Variants in SLC2A13 observed in about 807,000 individuals in gnomAD.
SLC2A13 encodes proton myo-inositol cotransporter.
In SLC2A13, 32 loss-of-function variants were observed where a neutral mutation model predicts 64.4. The observed-to-expected ratio is 0.50, with a 90% CI of 0.37 to 0.67. The LOEUF (loss-of-function observed/expected upper bound fraction) is 0.67. SLC2A13 is among the 30% of genes least tolerant of loss of function. The pLI is 0.00. For synonymous variants in SLC2A13, 338 were observed against 327.1 expected (o/e 1.03, Z -0.36); for missense variants, 743 against 829.2 (o/e 0.90, Z 1.28).
chr12:39,962,837 T>A (rs1946438892), intron 3 of SLC2A13, among the ~76,000 whole-genome samples: 1 of 152,192 alleles, frequency 6.6e-6, no homozygotes, highest in Non-Finnish European at 1.5e-5. Context: ...CTGTGTGATG[T>A]TGTGCAGGTT....
intron 6 of SLC2A13, among the ~76,000 whole-genome samples, chr12:39,840,442 C>G (rs940007261): frequency 1.3e-5 from 2 of 152,022 alleles, no homozygotes; most frequent in Non-Finnish European, 2.9e-5. Flanking sequence ...AAATCATACT[C>G]CTTTTATGGC....
At chr12:40,047,411 TG>T (rs1368357057) in intron 2 of SLC2A13, among the ~76,000 whole-genome samples, 1 of 152,212 alleles carries the variant, frequency 6.6e-6, no homozygotes, top group Non-Finnish European at 1.5e-5. Context: ...AAAATTTCTC[TG>T]GAACAGTTAC....
intron 1 of SLC2A13, among the ~76,000 whole-genome samples, chr12:40,068,950 T>C (rs1243320807): frequency 6.6e-6 from 1 of 152,142 alleles, no homozygotes; most frequent in Non-Finnish European, 1.5e-5. Context: ...CCACAGTGTC[T>C]TCTTGTAAGA....
intron 4 of SLC2A13, among the ~76,000 whole-genome samples, chr12:39,875,768 G>A (rs887434831): frequency 6.6e-6 from 1 of 152,158 alleles, no homozygotes; most frequent in Admixed American, 6.5e-5. Context: ...ATGGTCTTAT[G>A]GGGAGATACA....
intron 4 of SLC2A13, chr12:39,949,478 A>G (rs1263206334): frequency 1.3e-5 from 2 of 152,236 alleles, no homozygotes; most frequent in Non-Finnish European, 2.9e-5. Flanking sequence ...ATCTTCAGGA[A>G]AAAAGTGAGG....
At chr12:40,024,518 T>C (rs973500334) in intron 3 of SLC2A13, among the ~76,000 whole-genome samples, 1 of 152,258 alleles carries the variant, frequency 6.6e-6, no homozygotes, top group Non-Finnish European at 1.5e-5. Context: ...AGAGAGGCTT[T>C]CCTAACCATC....
intron 2 of SLC2A13, among the ~76,000 whole-genome samples, chr12:40,036,362 G>A (rs1001366104): frequency 6.6e-5 from 10 of 152,140 alleles, no homozygotes; most frequent in Non-Finnish European, 1.2e-4. Context: ...GAGATCCAAG[G>A]TGTAACCATT....
chr12:39,844,571 ATAAT>A (rs1943258539), intron 6 of SLC2A13, among the ~76,000 whole-genome samples: 1 of 152,076 alleles, frequency 6.6e-6, no homozygotes, highest in South Asian at 2.1e-4. Context: ...TAAAATATAA[ATAAT>A]TAATCAAGAA....
At chr12:39,848,304 T>A (rs1295592980) in intron 6 of SLC2A13, among the ~76,000 whole-genome samples, 1 of 152,134 alleles carries the variant, frequency 6.6e-6, no homozygotes, top group Non-Finnish European at 1.5e-5. Flanking sequence ...ATATCCAGCA[T>A]TTATAAGGAA....
chr12:40,089,747 G>A (rs1938700343), intron 1 of SLC2A13, among the ~76,000 whole-genome samples: 1 of 152,134 alleles, frequency 6.6e-6, no homozygotes, highest in Non-Finnish European at 1.5e-5. Context: ...AATATATGGA[G>A]ATATACATAT....
intron 4 of SLC2A13, among the ~76,000 whole-genome samples, chr12:39,929,530 G>A (rs912781911): frequency 2.0e-5 from 3 of 151,300 alleles, no homozygotes; most frequent in Admixed American, 2.0e-4. Flanking sequence ...CAGCCTGGGC[G>A]ACAGAGTGAG....
At chr12:40,072,518 A>AT (rs936211305) in intron 1 of SLC2A13, among the ~76,000 whole-genome samples, 10 of 151,940 alleles carry the variant, frequency 6.6e-5, no homozygotes, top group African/African-American at 2.2e-4. Context: ...TGATTCATCT[A>AT]TTTTTTCCTC....
chr12:39,779,048 C>T (rs959105807), intron 7 of SLC2A13, among the ~76,000 whole-genome samples: 22 of 152,186 alleles, frequency 1.4e-4, no homozygotes, highest in Non-Finnish European at 1.8e-4. Flanking sequence ...GAATATGAGA[C>T]ACTTTCCCCC....
At chr12:39,936,290 T>C (rs544724211) in intron 4 of SLC2A13, among the ~76,000 whole-genome samples, 8 of 152,316 alleles carry the variant, frequency 5.3e-5, no homozygotes, top group Non-Finnish European at 1.0e-4. Context: ...ATTGTGACAA[T>C]TCCAATCTAT....
At chr12:40,094,296 T>G (rs1938865635) in intron 1 of SLC2A13, among the ~76,000 whole-genome samples, 1 of 151,804 alleles carries the variant, frequency 6.6e-6, no homozygotes, top group Non-Finnish European at 1.5e-5. Context: ...GATTTGGGAG[T>G]TCTCTGCAAC....
chr12:39,805,222 T>C (rs1352740138), intron 7 of SLC2A13, among the ~76,000 whole-genome samples: 2 of 152,176 alleles, frequency 1.3e-5, no homozygotes, highest in East Asian at 1.9e-4. Flanking sequence ...TTCTAAATGA[T>C]GTGAGAAGCC....
chr12:39,862,796 T>C (rs1943796634), intron 6 of SLC2A13, among the ~76,000 whole-genome samples: 2 of 152,154 alleles, frequency 1.3e-5, no homozygotes, highest in African/African-American at 4.8e-5. Flanking sequence ...TGTGTAATGA[T>C]CAAATCAGGG....
At chr12:39,903,343 G>T (rs1232938121) in intron 4 of SLC2A13, among the ~76,000 whole-genome samples, 5 of 152,070 alleles carry the variant, frequency 3.3e-5, no homozygotes, top group East Asian at 3.9e-4. Flanking sequence ...TTTTCCAAAA[G>T]GTGTACAAAC....
chr12:39,894,633 T>G (rs1944693964), intron 4 of SLC2A13, among the ~76,000 whole-genome samples: 1 of 152,212 alleles, frequency 6.6e-6, no homozygotes, highest in Admixed American at 6.5e-5. Context: ...AAAATTAAAC[T>G]GATCTATTTG....
Sources: gnomAD v4.1 joint callset for allele counts (sites outside exome capture counted in the v4.1 genomes callset) on GRCh38, gnomAD v4.1.1 for gene constraint, MANE v1.5 for transcripts, NCBI Gene and HGNC (gene_info 2026-07-23, HGNC 2026-07-21) for gene names.